Variants in PTPRG observed in about 807,000 individuals in gnomAD.
PTPRG encodes receptor-type tyrosine-protein phosphatase gamma.
In PTPRG, 102 loss-of-function variants were observed where a neutral mutation model predicts 165.3. That is an observed-to-expected ratio of 0.62 (90% confidence interval 0.53 to 0.73). The LOEUF (loss-of-function observed/expected upper bound fraction) is 0.73. PTPRG is among the 30% of genes least tolerant of loss of function. The pLI is 0.00. For synonymous variants in PTPRG, 675 were observed against 669.5 expected (o/e 1.01, Z -0.13); for missense variants, 1,866 against 1,861.4 (o/e 1.00, Z -0.05).
At chr3:62,167,027 A>G (rs1559593422) in intron 7 of PTPRG, among the ~76,000 whole-genome samples, 1 of 151,934 alleles carries the variant, frequency 6.6e-6, no homozygotes, top group African/African-American at 2.4e-5. Flanking sequence ...GGGCACCCTG[A>G]TTTTTTTCCT....
intron 1 of PTPRG, among the ~76,000 whole-genome samples, chr3:61,665,106 G>C (rs1419436452): frequency 6.6e-6 from 1 of 152,182 alleles, no homozygotes; most frequent in Non-Finnish European, 1.5e-5. Context: ...GCTGGGCTGT[G>C]ATTCAAGGTG....
At chr3:62,100,897 C>T (rs1199319237) in intron 5 of PTPRG, among the ~76,000 whole-genome samples, 2 of 152,246 alleles carry the variant, frequency 1.3e-5, no homozygotes, top group African/African-American at 4.8e-5. Context: ...AGTAGAACCA[C>T]GCTTCTTTTG....
intron 2 of PTPRG, among the ~76,000 whole-genome samples, chr3:61,964,748 G>T (rs374472190): frequency 3.9e-5 from 6 of 151,978 alleles, no homozygotes; most frequent in African/African-American, 1.5e-4. Flanking sequence ...CTCAGCCTGA[G>T]CTTCAGGCTT....
chr3:61,884,898 A>T (rs2037986393), intron 2 of PTPRG, among the ~76,000 whole-genome samples: 1 of 152,294 alleles, frequency 6.6e-6, no homozygotes, highest in East Asian at 1.9e-4. Context: ...CCCTAGCAAA[A>T]GAAAACCCCA....
intron 2 of PTPRG, chr3:61,750,737 C>T (rs950140729): frequency 6.6e-6 from 1 of 152,224 alleles, no homozygotes; most frequent in African/African-American, 2.4e-5. Flanking sequence ...TAAAAATTTA[C>T]TTATGAATAC....
chr3:62,281,551 T>TTTTTTTTTG lies in PTPRG; in HGVS notation c.3766-12_3766-11insTTTTTTTTG. The TTTTTTTTTG allele has an allele frequency of 4.8e-6, 7 of 1,466,126 alleles. 1 individual carries two copies. The South Asian group carries it at 8.2e-5, about 17-fold the overall frequency. 90.8% of individuals were successfully genotyped at this position (1,466,126 alleles called of 1,614,324 possible). On this transcript the variant is annotated splice_polypyrimidine_tract_variant and intron_variant, in intron 26 of 29. Transcript: ENST00000474889. ...GAACTGCAGAGGCTTTTTTTTTTTTTGGATTCCAAAGGCAGAAGATGAGTT... is the reference window on the plus strand; with the variant it reads ...GAACTGCAGAGGCTTTTTTTTTTTTTTTTTTTTTGGGATTCCAAAGGCAGAAGATGAGTT...
chr3:61,947,278 TA>T (rs1483670297), intron 2 of PTPRG, among the ~76,000 whole-genome samples: 1 of 152,196 alleles, frequency 6.6e-6, no homozygotes, highest in Non-Finnish European at 1.5e-5. Flanking sequence ...AAGACTTGTT[TA>T]AAAATTGACA....
intron 2 of PTPRG, among the ~76,000 whole-genome samples, chr3:61,888,288 A>C (rs1353098520): frequency 6.6e-6 from 1 of 151,390 alleles, no homozygotes; most frequent in African/African-American, 2.4e-5. Flanking sequence ...TTACTTTTAA[A>C]TAATTTTCTA....
At chr3:62,205,533 A>G (rs777848780) in intron 12 of PTPRG, among the ~76,000 whole-genome samples, 2 of 152,134 alleles carry the variant, frequency 1.3e-5, no homozygotes, top group African/African-American at 2.4e-5. Context: ...GAGCGGAGGG[A>G]CAGTGTAGCT....
At chr3:62,060,070 T>A (rs1700758076) in intron 4 of PTPRG, among the ~76,000 whole-genome samples, 1 of 151,798 alleles carries the variant, frequency 6.6e-6, no homozygotes, top group African/African-American at 2.4e-5. Flanking sequence ...ATACAAAAAT[T>A]AGCTGGGCAT....
chr3:61,679,687 A>G (rs1355852548), intron 1 of PTPRG, among the ~76,000 whole-genome samples: 2 of 152,168 alleles, frequency 1.3e-5, no homozygotes. Context: ...AAGCTGAGGC[A>G]CGAGAATTAC....
intron 3 of PTPRG, among the ~76,000 whole-genome samples, chr3:61,990,767 C>T (rs2040866055): frequency 6.6e-6 from 1 of 152,082 alleles, no homozygotes; most frequent in South Asian, 2.1e-4. Flanking sequence ...CCCTTTGTAA[C>T]CAAGGATGTC....
chr3:61,633,133 C>T (rs887251687), intron 1 of PTPRG, among the ~76,000 whole-genome samples: 5 of 152,220 alleles, frequency 3.3e-5, no homozygotes, highest in Non-Finnish European at 7.3e-5. Context: ...GCCTGCATCT[C>T]TCTTCTCTGT....
chr3:61,636,429 C>T (rs1052977293), intron 1 of PTPRG, among the ~76,000 whole-genome samples: 1 of 152,196 alleles, frequency 6.6e-6, no homozygotes, highest in Non-Finnish European at 1.5e-5. Flanking sequence ...TTGTGTCTGA[C>T]TTCTTTCACT....
intron 4 of PTPRG, 119 bp from the exon 5 acceptor site, chr3:62,078,044 G>T: frequency 1.7e-5 from 11 of 628,870 alleles, no homozygotes; most frequent in South Asian, 3.8e-5. Context: ...ATGAACAGGT[G>T]AATAAATTTG....
intron 1 of PTPRG, among the ~76,000 whole-genome samples, chr3:61,583,939 A>G (rs1347650256): frequency 6.6e-6 from 1 of 152,206 alleles, no homozygotes; most frequent in African/African-American, 2.4e-5. Context: ...TATCAGCTGG[A>G]AGTACACAGA....
chr3:62,175,604 T>C (rs1233610921), intron 8 of PTPRG, among the ~76,000 whole-genome samples: 1 of 152,174 alleles, frequency 6.6e-6, no homozygotes, highest in Non-Finnish European at 1.5e-5. Context: ...CCATCTACTA[T>C]AAAAAAGTTC....
intron 1 of PTPRG, among the ~76,000 whole-genome samples, chr3:61,663,734 G>C (rs1374761283): frequency 6.6e-6 from 1 of 152,158 alleles, no homozygotes. Flanking sequence ...AGGGTAATGG[G>C]AGACAGTGAC....
At chr3:61,628,452 A>C (rs1273541296) in intron 1 of PTPRG, among the ~76,000 whole-genome samples, 4 of 152,076 alleles carry the variant, frequency 2.6e-5, no homozygotes, top group Non-Finnish European at 5.9e-5. Flanking sequence ...AGTAGCTGGG[A>C]CTACAGGTGT....
Sources: allele counts gnomAD v4.1 joint callset (sites outside exome capture counted in the v4.1 genomes callset), GRCh38; gene constraint gnomAD v4.1.1; transcripts MANE v1.5; gene names NCBI Gene and HGNC (gene_info 2026-07-23, HGNC 2026-07-21).